The following CHST11 variants were observed in gnomAD, a reference collection of about 807,000 sequenced individuals.
CHST11 encodes carbohydrate sulfotransferase 11.
A neutral mutation model predicts 30.4 loss-of-function variants in CHST11; 9 were observed. The ratio of observed to expected loss-of-function variants is 0.30; its 90% CI spans 0.18 to 0.52. The LOEUF is 0.52. Among genes scored for constraint, CHST11 ranks in the 20% least tolerant of loss-of-function variants. The pLI is 0.97. For synonymous variants in CHST11, 152 were observed against 187.8 expected, an observed-to-expected ratio of 0.81 and a Z score of 1.56; for missense variants, 348 against 460.6, an observed-to-expected ratio of 0.76 and a Z score of 2.24.
chr12:104,750,425 G>T, intron 2 of CHST11, among the ~76,000 whole-genome samples: 1 of 53,400 alleles, frequency 1.9e-5, no homozygotes, highest in Admixed American at 2.3e-4. Context: ...TTATATTTCT[G>T]CACTTTTTTT....
At chr12:104,579,190 T>C (rs764573959) in intron 1 of CHST11, among the ~76,000 whole-genome samples, 4 of 152,232 alleles carry the variant, frequency 2.6e-5, no homozygotes, top group Non-Finnish European at 5.9e-5. Flanking sequence ...CCCTCCTCCA[T>C]TCCTGGGCTC....
intron 2 of CHST11, among the ~76,000 whole-genome samples, chr12:104,626,291 G>T (rs985675477): frequency 6.6e-6 from 1 of 152,138 alleles, no homozygotes; most frequent in Non-Finnish European, 1.5e-5. Flanking sequence ...GTTTTATAGT[G>T]ATTTAATAAG....
intron 1 of CHST11, among the ~76,000 whole-genome samples, chr12:104,500,928 C>T (rs996275639): frequency 6.6e-5 from 10 of 152,022 alleles, no homozygotes; most frequent in East Asian, 1.9e-4. Flanking sequence ...TGTAGGATCA[C>T]GGGTGGGAGG....
At chr12:104,726,598 A>G (rs528145038) in intron 2 of CHST11, among the ~76,000 whole-genome samples, 1 of 152,266 alleles carries the variant, frequency 6.6e-6, no homozygotes, top group Non-Finnish European at 1.5e-5. Context: ...CTCTCCCCCA[A>G]GACAGAGAAG....
In CHST11 at chr12:104,670,044, C is replaced by T. The variant is rs531541301; in HGVS notation, c.204+68053C>T. ...AGTTCCCTTTTCCCCTCTCGCTTTC[C>T]TAAAGCTTCACCTAAGCCAACAGCT... On this transcript the variant is annotated intron_variant, in intron 2 of 2. Transcript: ENST00000303694. Among the ~76,000 whole-genome samples the T allele has an allele frequency of 1.1e-3, 167 of 152,232 alleles. 1 individual carries two copies. The highest frequency in any genetic ancestry group is 2.1e-3 in the Non-Finnish European group (146 of 68,046).
chr12:104,521,427 C>T (rs577318453), intron 1 of CHST11, among the ~76,000 whole-genome samples: 12 of 152,220 alleles, frequency 7.9e-5, no homozygotes, highest in African/African-American at 2.9e-4. Flanking sequence ...ATCTTGGTTT[C>T]GTATACTGTC....
At chr12:104,713,864 G>T (rs1361105256) in intron 2 of CHST11, among the ~76,000 whole-genome samples, 1 of 152,222 alleles carries the variant, frequency 6.6e-6, no homozygotes, top group Non-Finnish European at 1.5e-5. Flanking sequence ...AGCAGGCGAG[G>T]CTAGGGTGTA....
At position 104,590,470 on chromosome 12, in the gene CHST11, G is replaced by T. The variant is rs74885020; in HGVS notation, c.119-11436G>T. On this transcript the variant is annotated intron_variant, in intron 1 of 2. Transcript: ENST00000303694. ...TTCCATTCATTCATTTATTCATTCA[G>T]CCCTGAATTTAGGCCCCTTTTAGGA... 4.3e-3 allele frequency among the ~76,000 whole-genome samples: 654 copies of T among 152,224 alleles called. 32 individuals are homozygous for T. In the East Asian group the frequency reaches 0.088, roughly 20 times the overall value.
intron 2 of CHST11, among the ~76,000 whole-genome samples, chr12:104,735,580 T>G (rs1318096157): frequency 6.6e-6 from 1 of 152,114 alleles, no homozygotes; most frequent in Non-Finnish European, 1.5e-5. Flanking sequence ...AGCCCCACAG[T>G]TAGCGGGAAG....
chr12:104,626,156 G>A (rs1024976612), intron 2 of CHST11, among the ~76,000 whole-genome samples: 1 of 152,054 alleles, frequency 6.6e-6, no homozygotes, highest in Non-Finnish European at 1.5e-5. Context: ...TATTAGCTGT[G>A]GGTTCCTTTT....
At chr12:104,514,460 C>G (rs1167889482) in intron 1 of CHST11, 1 of 773,570 alleles carries the variant, frequency 1.3e-6, no homozygotes, top group Non-Finnish European at 2.3e-6. Context: ...GGGTCACCTG[C>G]CTGTCCCTGC....
chr12:104,578,313 G>A (rs75277618), intron 1 of CHST11, among the ~76,000 whole-genome samples: 2,173 of 152,274 alleles, frequency 0.014, 57 homozygotes, highest in African/African-American at 0.05. Context: ...TGAACTAGAT[G>A]CCTTGTAATA....
intron 1 of CHST11, chr12:104,553,314 T>A (rs997396930): frequency 1.3e-5 from 2 of 152,222 alleles, no homozygotes; most frequent in Admixed American, 6.5e-5. Flanking sequence ...ACATACGAAG[T>A]GCACTTTGAG....
At chr12:104,717,222 C>T (rs1019346015) in intron 2 of CHST11, among the ~76,000 whole-genome samples, 2 of 152,202 alleles carry the variant, frequency 1.3e-5, no homozygotes, top group African/African-American at 4.8e-5. Flanking sequence ...AGGATGTGGA[C>T]ATCTTGGATG....
intron 1 of CHST11, among the ~76,000 whole-genome samples, chr12:104,461,363 A>G (rs2037406280): frequency 6.6e-6 from 1 of 152,192 alleles, no homozygotes; most frequent in African/African-American, 2.4e-5. Flanking sequence ...ATGGAACCAT[A>G]TACCTGTGAT....
intron 2 of CHST11, among the ~76,000 whole-genome samples, chr12:104,678,245 T>A (rs2039761362): frequency 6.6e-6 from 1 of 152,166 alleles, no homozygotes; most frequent in South Asian, 2.1e-4. Flanking sequence ...TTGTAAAGGT[T>A]TGCCTAGAAA....
At chr12:104,549,216 T>A (rs35155077) in intron 1 of CHST11, among the ~76,000 whole-genome samples, 37,706 of 152,008 alleles carry the variant, frequency 0.25, 5,010 homozygotes, top group Middle Eastern at 0.41. Context: ...GTGGCAGAAA[T>A]GAGGTGGACA....
chr12:104,650,947 G>A (rs2694410), intron 2 of CHST11, among the ~76,000 whole-genome samples: 1 of 152,120 alleles, frequency 6.6e-6, no homozygotes, highest in Non-Finnish European at 1.5e-5. Flanking sequence ...TAATCACCCT[G>A]CTTCATGAGG....
At chr12:104,752,389 C>A (rs1213956134) in intron 2 of CHST11, among the ~76,000 whole-genome samples, 1 of 152,172 alleles carries the variant, frequency 6.6e-6, no homozygotes, top group African/African-American at 2.4e-5. Context: ...ATTTCCATAT[C>A]AAATCACATT....
Sources: gnomAD v4.1 joint callset for allele counts (sites outside exome capture counted in the v4.1 genomes callset) on GRCh38, gnomAD v4.1.1 for gene constraint, MANE v1.5 for transcripts, NCBI Gene and HGNC (gene_info 2026-07-23, HGNC 2026-07-21) for gene names.